Variants in DNAJC13 observed in about 807,000 individuals in gnomAD.
DNAJC13 encodes dnaJ homolog subfamily C member 13.
DNAJC13 carries 75 observed loss-of-function variants against 290.5 expected under a neutral mutation model. The observed-to-expected ratio is 0.26, with a 90% CI of 0.21 to 0.31. DNAJC13 has a LOEUF of 0.31. DNAJC13 is among the 10% of genes least tolerant of loss of function. DNAJC13 has a pLI of 1.00. For missense variants in DNAJC13, 2,260 were observed against 2,674.5 expected (o/e 0.85, Z 3.42); for synonymous variants, 862 against 892.0 (o/e 0.97, Z 0.60).
intron 55 of DNAJC13, among the ~76,000 whole-genome samples, chr3:132,535,914 C>G (rs1240696584): frequency 6.6e-6 from 1 of 152,106 alleles, no homozygotes; most frequent in African/African-American, 2.4e-5. Context: ...GAGAGCATCT[C>G]GGATTTCATT....
chr3:132,428,778 C>G (rs561536548), intron 1 of DNAJC13, among the ~76,000 whole-genome samples: 1 of 152,150 alleles, frequency 6.6e-6, no homozygotes, highest in Non-Finnish European at 1.5e-5. Flanking sequence ...TCTGTCAGCC[C>G]GGATGGAGCG....
intron 31 of DNAJC13, among the ~76,000 whole-genome samples, chr3:132,489,754 C>G (rs542799053): frequency 2.2e-4 from 33 of 152,038 alleles, no homozygotes; most frequent in Middle Eastern, 3.4e-3. Flanking sequence ...CAATGAAGCC[C>G]TAGAAAGTAA....
At chr3:132,483,012 A>G (rs780966051) in intron 27 of DNAJC13, among the ~76,000 whole-genome samples, 3 of 152,190 alleles carry the variant, frequency 2.0e-5, no homozygotes, top group Non-Finnish European at 4.4e-5. Flanking sequence ...TTATCTTGAT[A>G]CTTGATCCTG....
rs200606985 is a variant in DNAJC13 at position 132,507,870 on chromosome 3, TTTAAA to T, written c.5115+523_5115+527del. 5.5e-4 allele frequency among the ~76,000 whole-genome samples: 83 copies of T among 152,282 alleles called. 1 individual carries two copies. The East Asian group carries it at 0.015, about 28-fold the overall frequency. On this transcript the variant is annotated intron_variant, in intron 43 of 55. Coordinates refer to ENST00000260818, the MANE Select transcript of DNAJC13 (RefSeq NM_015268.4). ...AAAGGAAGAGTCACAGGTCTCTCAC[TTTAAA>T]TTAAAAGCTAGAAATGATTAACCTT...
At chr3:132,434,158 C>A (rs879382653) in intron 1 of DNAJC13, among the ~76,000 whole-genome samples, 10 of 140,454 alleles carry the variant, frequency 7.1e-5, no homozygotes, top group Middle Eastern at 4.2e-3. Flanking sequence ...TGCAGTGAGC[C>A]GAGATCTCGC....
Position 132,501,240 on chromosome 3 carries a change from T to A in DNAJC13, c.4536+327T>A, listed in dbSNP as rs570781067. On this transcript the variant is annotated intron_variant, in intron 39 of 55. Coordinates refer to ENST00000260818, the MANE Select transcript of DNAJC13 (RefSeq NM_015268.4). Reference sequence around the variant, plus strand: ...GGCCAGCCCGGTGTGGTGGCTCACGTCTGTAATCCTAGCACTTTGGCAAGC... The same window carrying A: ...GGCCAGCCCGGTGTGGTGGCTCACGACTGTAATCCTAGCACTTTGGCAAGC... 2.0e-5 allele frequency among the ~76,000 whole-genome samples: 3 copies of A among 152,030 alleles called. No individual in the cohort carries two copies. The South Asian group carries it at 6.2e-4, about 32-fold the overall frequency.
At chr3:132,429,543 T>C (rs1939188856) in intron 1 of DNAJC13, among the ~76,000 whole-genome samples, 1 of 152,198 alleles carries the variant, frequency 6.6e-6, no homozygotes, top group African/African-American at 2.4e-5. Context: ...CACCAACATG[T>C]GATGAGTATT....
At chr3:132,500,572 C>T (rs531653656) in intron 38 of DNAJC13, among the ~76,000 whole-genome samples, 105 of 152,164 alleles carry the variant, frequency 6.9e-4, no homozygotes, top group Admixed American at 1.2e-3. Flanking sequence ...TCAGTTTGGC[C>T]CATGGGTTGT....
chr3:132,480,774 T>C (rs1278519333), intron 26 of DNAJC13, among the ~76,000 whole-genome samples: 2 of 152,242 alleles, frequency 1.3e-5, no homozygotes, highest in Non-Finnish European at 2.9e-5. Context: ...ATAGTACTTT[T>C]AACATTGGCA....
At chr3:132,517,217 A>G (rs72994276) in intron 48 of DNAJC13, among the ~76,000 whole-genome samples, 216 of 152,316 alleles carry the variant, frequency 1.4e-3, no homozygotes, top group African/African-American at 4.9e-3. Flanking sequence ...AGGACATGCC[A>G]CCCTCAGCAG....
At chr3:132,524,266 A>G (rs967200864) in intron 51 of DNAJC13, among the ~76,000 whole-genome samples, 1 of 152,224 alleles carries the variant, frequency 6.6e-6, no homozygotes, top group African/African-American at 2.4e-5. Flanking sequence ...TTTGTTTTTC[A>G]AAGTCTTTTT....
rs144668875 is a variant in DNAJC13 at position 132,514,685 on chromosome 3, G to A, written c.5485+15G>A. The A allele has an allele frequency of 6.3e-6, 10 of 1,588,492 alleles. No homozygotes were observed. In the African/African-American group the frequency reaches 1.3e-4, roughly 21 times the overall value. Reference sequence around the variant, plus strand: ...ATTGCCATCAAGTATGTATACAGATGGAATTTTGGAAACCACAGCAAGATT... The same window carrying A: ...ATTGCCATCAAGTATGTATACAGATAGAATTTTGGAAACCACAGCAAGATT... On this transcript the variant is annotated intron_variant, in intron 46 of 55. Coordinates refer to ENST00000260818, the MANE Select transcript of DNAJC13 (RefSeq NM_015268.4).
chr3:132,456,111 T>G, intron 9 of DNAJC13, 124 bp from the exon 10 acceptor site: 1 of 791,674 alleles, frequency 1.3e-6, no homozygotes. Flanking sequence ...TGTTTGTGTT[T>G]CCCATTGTAA....
At chr3:132,439,439 GTT>G (rs530053502) in intron 2 of DNAJC13, among the ~76,000 whole-genome samples, 2 of 141,702 alleles carry the variant, frequency 1.4e-5, no homozygotes, top group Admixed American at 7.0e-5. Flanking sequence ...GGTTTTTTTT[GTT>G]TTTTTTTTTT....
chr3:132,427,356 T>C (rs1311098382), intron 1 of DNAJC13, among the ~76,000 whole-genome samples: 2 of 151,952 alleles, frequency 1.3e-5, no homozygotes, highest in Non-Finnish European at 2.9e-5. Context: ...GGGCTGGTCT[T>C]GAACTCCTGG....
At chr3:132,435,608 C>T (rs1271832062) in intron 2 of DNAJC13, among the ~76,000 whole-genome samples, 2 of 152,152 alleles carry the variant, frequency 1.3e-5, no homozygotes, top group Non-Finnish European at 2.9e-5. Flanking sequence ...ATAGTTGTTA[C>T]CCTTTAGAAT....
At chr3:132,488,176 C>T in intron 29 of DNAJC13, 122 bp from the exon 30 acceptor site, 1 of 808,884 alleles carries the variant, frequency 1.2e-6, no homozygotes, top group Non-Finnish European at 1.8e-6. Flanking sequence ...CTTACTGACT[C>T]CCATGGGTTT....
At chr3:132,493,925 T>A (rs1034191822) in intron 33 of DNAJC13, among the ~76,000 whole-genome samples, 4 of 152,140 alleles carry the variant, frequency 2.6e-5, no homozygotes, top group Admixed American at 2.0e-4. Flanking sequence ...ATTTAAAAAA[T>A]TTTTTAAATA....
At chr3:132,488,782 T>C (rs888010029) in intron 30 of DNAJC13, among the ~76,000 whole-genome samples, 194 bp from the exon 31 acceptor site, 1 of 152,160 alleles carries the variant, frequency 6.6e-6, no homozygotes, top group Admixed American at 6.5e-5. Flanking sequence ...TTAATATGAC[T>C]ACACTTTAAA....
Sources: gnomAD v4.1 joint callset for allele counts (sites outside exome capture counted in the v4.1 genomes callset) on GRCh38, gnomAD v4.1.1 for gene constraint, MANE v1.5 for transcripts, NCBI Gene and HGNC (gene_info 2026-07-23, HGNC 2026-07-21) for gene names.